DAB2IP: variants seen among roughly 807,000 people sequenced by gnomAD.
DAB2IP encodes the protein DAB2 interacting protein, also known as disabled homolog 2-interacting protein.
A neutral mutation model predicts 107.2 loss-of-function variants in DAB2IP; 28 were observed. That is an observed-to-expected ratio of 0.26 (90% CI 0.19 to 0.36). The LOEUF is 0.36. Among genes scored for constraint, DAB2IP ranks in the 10% least tolerant of loss-of-function variants. DAB2IP has a pLI of 1.00. For synonymous variants in DAB2IP, 755 were observed against 706.4 expected (o/e 1.07, Z -1.09); for missense variants, 1,400 against 1,644.7 (o/e 0.85, Z 2.57).
At chr9:121,682,529 C>A (rs956079547) in intron 2 of DAB2IP, among the ~76,000 whole-genome samples, 3 of 152,176 alleles carry the variant, frequency 2.0e-5, no homozygotes, top group African/African-American at 7.2e-5. Flanking sequence ...TCACATGCCA[C>A]CCCTCCTCAT....
intron 14 of DAB2IP, 34 bp from the exon 15 acceptor site, chr9:121,781,430 G>A (rs1187218918): frequency 6.2e-7 from 1 of 1,610,140 alleles, no homozygotes; most frequent in Non-Finnish European, 8.5e-7. Flanking sequence ...GCTGCCTCCA[G>A]GGCCAGTCTG....
At chr9:121,691,502 A>T (rs1427308856) in intron 2 of DAB2IP, among the ~76,000 whole-genome samples, 1 of 149,986 alleles carries the variant, frequency 6.7e-6, no homozygotes, top group Non-Finnish European at 1.5e-5. Context: ...GCCTGAGGAC[A>T]GTGAGAGACT....
At chr9:121,653,020 G>C (rs1453607623) in intron 1 of DAB2IP, among the ~76,000 whole-genome samples, 1 of 152,132 alleles carries the variant, frequency 6.6e-6, no homozygotes, top group Non-Finnish European at 1.5e-5. Context: ...GAGGCTAAGT[G>C]TGTGCACAGG....
In DAB2IP at chr9:121,615,119, C is replaced by T. The variant is rs75192390; in HGVS notation, c.40+47891C>T. ...TCAACCTTAACTGCCTTAGTGTATC[C>T]TTGTTACGCCTTATGTCTGCAATAG... On this transcript the variant is annotated intron_variant, in intron 1 of 16. Coordinates refer to the DAB2IP transcript ENST00000259371. Among the ~76,000 whole-genome samples, 701 of 152,282 alleles carry T rather than the reference C, an allele frequency of 4.6e-3. 8 individuals carry two copies. Among genetic ancestry groups the T allele is most frequent in the African/African-American group, 0.016 (672 of 41,548 alleles).
chr9:121,589,163 A>C (rs1484196133), intron 1 of DAB2IP, among the ~76,000 whole-genome samples: 2 of 151,964 alleles, frequency 1.3e-5, no homozygotes, highest in Admixed American at 1.3e-4. Context: ...TGATAGGGAG[A>C]ACTAGTAGAC....
intron 3 of DAB2IP, among the ~76,000 whole-genome samples, chr9:121,703,218 A>AC (rs1341239038): frequency 6.6e-6 from 1 of 152,188 alleles, no homozygotes; most frequent in Non-Finnish European, 1.5e-5. Flanking sequence ...TTGTGGTGAG[A>AC]CAGTCCCTGG....
intron 2 of DAB2IP, among the ~76,000 whole-genome samples, chr9:121,681,292 C>T (rs569972025): frequency 5.3e-5 from 8 of 152,310 alleles, no homozygotes; most frequent in East Asian, 1.9e-4. Context: ...ATCGCTTTTC[C>T]GGCTATTTCC....
rs1829648384 is a variant in DAB2IP at position 121,699,487 on chromosome 9, C to A, written c.362+29C>A. On this transcript the variant is annotated intron_variant, in intron 3 of 15. Transcript: ENST00000408936. This position sits in a 1 kb window ranked among gnomAD's most constrained non-coding sequence, Gnocchi z 6.2. Reference sequence around the variant, plus strand: ...AGCCCGCCGCCGCCGCCCGGTCCCCCGCGCCGCCGCCCCGGGCTGCGCCCC... The same window carrying A: ...AGCCCGCCGCCGCCGCCCGGTCCCCAGCGCCGCCGCCCCGGGCTGCGCCCC... 6 of 1,268,310 alleles carry A rather than the reference C, an allele frequency of 4.7e-6. No homozygotes were observed. Among genetic ancestry groups the A allele is most frequent in the African/African-American group, 1.6e-5 (1 of 62,030 alleles). The allele number at this position is 1,268,310 out of a possible 1,614,324, so 78.6% of individuals were successfully genotyped here. A position where few individuals can be genotyped will look rare whatever the true frequency, so the allele number is the denominator to read the frequency against.
At chr9:121,583,672 G>A (rs1369928800) in intron 1 of DAB2IP, among the ~76,000 whole-genome samples, 1 of 152,154 alleles carries the variant, frequency 6.6e-6, no homozygotes, top group African/African-American at 2.4e-5. Flanking sequence ...GGGGTCCCAG[G>A]TGGGCATTTA....
Position 121,699,196 on chromosome 9 carries a change from C to G in DAB2IP, c.229-129C>G, listed in dbSNP as rs1192944339. 1.4e-5 allele frequency: 14 copies of G among 968,266 alleles called. No homozygotes were observed. In the South Asian group the frequency reaches 4.2e-4, roughly 29 times the overall value. The allele number at this position is 968,266 out of a possible 1,614,324, so 60.0% of individuals were successfully genotyped here. A position where few individuals can be genotyped will look rare whatever the true frequency, so the allele number is the denominator to read the frequency against. On this transcript the variant is annotated intron_variant, in intron 2 of 15. Transcript: ENST00000408936. The surrounding 1 kb of genome is among the most constrained non-coding windows in gnomAD (Gnocchi z 6.2). ...GGCGCGGGCCGCGAGCTGCTGGGGC[C>G]GAGCCCGAGCCCGGCCCGCCCTCGG...
intron 1 of DAB2IP, among the ~76,000 whole-genome samples, chr9:121,657,708 A>G (rs1833025425): frequency 6.6e-6 from 1 of 151,584 alleles, no homozygotes; most frequent in Non-Finnish European, 1.5e-5. Context: ...GCTGGAATGG[A>G]CCCAGGGCAT....
chr9:121,631,889 CA>C (rs1831900950), intron 1 of DAB2IP, among the ~76,000 whole-genome samples: 1 of 149,662 alleles, frequency 6.7e-6, no homozygotes, highest in Non-Finnish European at 1.5e-5. Context: ...GGGCTTTCAG[CA>C]GGGAGCAGGG....
intron 3 of DAB2IP, chr9:121,751,159 C>T (rs966781568): frequency 2.2e-5 from 4 of 184,980 alleles, no homozygotes; most frequent in Admixed American, 6.6e-5. Context: ...CTGCTGTGGA[C>T]CTTTCCCCCT....
rs1187033021 is a variant in DAB2IP at position 121,736,696 on chromosome 9, T to C, written c.363-20317T>C. On this transcript the variant is annotated intron_variant, in intron 3 of 15. Transcript: ENST00000408936. The surrounding 1 kb of genome is among the most constrained non-coding windows in gnomAD (Gnocchi z 4.6). ...TTACCTTGGCGCGCCCCCAAATCTT[T>C]TGGTTCCCCCGCTCCTGCCTTCCAC... is the stretch of plus-strand genomic sequence containing the variant. Among the ~76,000 whole-genome samples, 1 of 152,166 alleles carries C rather than the reference T, an allele frequency of 6.6e-6. No homozygotes were observed. The highest frequency in any genetic ancestry group is 1.5e-5 in the Non-Finnish European group (1 of 68,018).
chr9:121,680,320 A>C lies in DAB2IP; in HGVS notation c.228+1539A>C, dbSNP rs116560633. Among the ~76,000 whole-genome samples the C allele has an allele frequency of 5.7e-3, 867 of 152,348 alleles. 9 individuals are homozygous for C. The highest frequency in any genetic ancestry group is 0.02 in the African/African-American group (827 of 41,572). On this transcript the variant is annotated intron_variant, in intron 2 of 15. Coordinates refer to ENST00000408936, the Ensembl canonical transcript of DAB2IP. ...AAAACTAGCTTATTGTCCTTCTTTA[A>C]GATTTCAGTCCACTGGGCCAGGGCA...
At chr9:121,770,802 G>A in intron 11 of DAB2IP, 78 bp downstream of exon 11, 2 of 1,534,664 alleles carry the variant, frequency 1.3e-6, no homozygotes. Flanking sequence ...CTCAGATGGG[G>A]AAAGAGGATG....
chr9:121,696,894 T>C (rs977593782), intron 2 of DAB2IP, among the ~76,000 whole-genome samples: 4 of 152,206 alleles, frequency 2.6e-5, no homozygotes, highest in Admixed American at 2.6e-4. Context: ...AAGAATCTCT[T>C]TTCCCATGAT....
At chr9:121,747,730 A>G (rs939787841) in intron 3 of DAB2IP, among the ~76,000 whole-genome samples, 2 of 152,040 alleles carry the variant, frequency 1.3e-5, no homozygotes, top group African/African-American at 4.8e-5. Context: ...GCGGTCCCCA[A>G]AGTAATTTGA....
At chr9:121,678,762 C>T in exon 2 of DAB2IP, 1 of 1,595,852 alleles carries the variant, frequency 6.3e-7, no homozygotes, top group South Asian at 1.1e-5. Context: ...CCCTCGGCCG[C>T]CACGCCGTTC....
Sources: allele counts gnomAD v4.1 joint callset (sites outside exome capture counted in the v4.1 genomes callset), GRCh38; gene constraint gnomAD v4.1.1; non-coding constraint Gnocchi (gnomAD v3.1); transcripts MANE v1.5; gene names NCBI Gene and HGNC (gene_info 2026-07-23, HGNC 2026-07-21).